TRRAP: variants seen among roughly 807,000 people sequenced by gnomAD.
TRRAP encodes the protein transformation/transcription domain associated protein.
TRRAP carries 41 observed loss-of-function variants against 438.8 expected under a neutral mutation model. The observed-to-expected ratio is 0.09, with a 90% confidence interval of 0.07 to 0.12. The LOEUF (loss-of-function observed/expected upper bound fraction) is 0.12. TRRAP is among the 10% of genes least tolerant of loss of function. TRRAP has a pLI of 1.00. For missense variants in TRRAP, 3,122 were observed against 5,055.1 expected (o/e 0.62, Z 11.60); for synonymous variants, 1,994 against 1,962.9 (o/e 1.02, Z -0.42).
intron 67 of TRRAP, among the ~76,000 whole-genome samples, chr7:98,995,531 A>T (rs1793612820): frequency 6.6e-6 from 1 of 151,992 alleles, no homozygotes; most frequent in Non-Finnish European, 1.5e-5. Flanking sequence ...GCGTTTTCCT[A>T]GGCTCACAGC....
In TRRAP at chr7:98,948,015, C is replaced by T. The variant is rs1315724355; in HGVS notation, c.4549-206C>T. Among the ~76,000 whole-genome samples, 2 of 152,202 alleles carry T rather than the reference C, an allele frequency of 1.3e-5. No homozygotes were observed. Among genetic ancestry groups the T allele is most frequent in the Middle Eastern group, 3.2e-3 (1 of 316 alleles). On this transcript the variant is annotated intron_variant, in intron 33 of 72. Coordinates refer to ENST00000456197, the MANE Select transcript of TRRAP (RefSeq NM_001375524.1). This position sits in a 1 kb window ranked among gnomAD's most constrained non-coding sequence, Gnocchi z 4.9. ...CACACCCCTACAATGGACAGGAATG[C>T]TGAAGGCCACGGGCAGTCAGTTTCC... is the stretch of plus-strand genomic sequence containing the variant.
chr7:98,891,564 C>T (rs1795980870), intron 4 of TRRAP, among the ~76,000 whole-genome samples: 1 of 128,212 alleles, frequency 7.8e-6, no homozygotes. Context: ...GAGATGGAGT[C>T]TCGCTCTGTT....
At chr7:98,979,047 C>A in intron 58 of TRRAP, 143 bp downstream of exon 58, 1 of 980,270 alleles carries the variant, frequency 1.0e-6, no homozygotes, top group Non-Finnish European at 1.5e-6. Flanking sequence ...TTTTGATTGT[C>A]TAACACCTTT....
In TRRAP at chr7:98,960,672, A is replaced by G. The variant is rs560264712; in HGVS notation, c.6490-589A>G. ...AGTGGCACAGTCTTGGCTCACTGCA[A>G]CCTCCACCTCCCGGGTTCAAGCGAT... On this transcript the variant is annotated intron_variant, in intron 45 of 72. Coordinates refer to ENST00000456197, the MANE Select transcript of TRRAP (RefSeq NM_001375524.1). Among the ~76,000 whole-genome samples the G allele has an allele frequency of 2.0e-4, 30 of 148,184 alleles. No homozygotes were observed. The South Asian group carries it at 6.3e-3, about 31-fold the overall frequency.
chr7:98,908,668 G>T lies in TRRAP; in HGVS notation c.1116-60G>T. ...GGGGCAGATGGTGATATCCTTGGTG[G>T]CCTGCTGCAGCAGGCATGGCCACGT... is the stretch of plus-strand genomic sequence containing the variant. On this transcript the variant is annotated intron_variant, in intron 13 of 72. Transcript: ENST00000456197. This position sits in a 1 kb window ranked among gnomAD's most constrained non-coding sequence, Gnocchi z 4.1. 1 of 1,474,720 alleles carries T rather than the reference G, an allele frequency of 6.8e-7. No individual in the cohort carries two copies. The highest frequency in any genetic ancestry group is 2.0e-5 in the Admixed American group (1 of 50,506). 91.4% of individuals were successfully genotyped at this position (1,474,720 alleles called of 1,614,324 possible).
In TRRAP at chr7:98,925,101, C is replaced by T. The variant is rs1789988831; in HGVS notation, c.2824-11C>T. The stretch of plus-strand genomic sequence containing the variant: ...AGCACAAACTGTAGTTTCTTTGTGT[C>T]TTGGTTGTAGGCCATTGAAACTGCT... On this transcript the variant is annotated splice_polypyrimidine_tract_variant and intron_variant, in intron 21 of 72. Coordinates refer to ENST00000456197, the MANE Select transcript of TRRAP (RefSeq NM_001375524.1). 6 of 1,600,732 alleles carry T rather than the reference C, an allele frequency of 3.7e-6. No individual in the cohort carries two copies. Among genetic ancestry groups the T allele is most frequent in the Non-Finnish European group, 5.1e-6 (6 of 1,174,968 alleles).
At chr7:98,899,829 G>T in intron 10 of TRRAP, 62 bp downstream of exon 10, 1 of 1,558,096 alleles carries the variant, frequency 6.4e-7, no homozygotes. Flanking sequence ...TACACTTGCT[G>T]TTGTCATTCT....
Position 98,925,097 on chromosome 7 carries a change from G to C in TRRAP, c.2824-15G>C, listed in dbSNP as rs538984436. On this transcript the variant is annotated splice_polypyrimidine_tract_variant and intron_variant, in intron 21 of 72. Transcript: ENST00000456197. The stretch of plus-strand genomic sequence containing the variant: ...TTTCAGCACAAACTGTAGTTTCTTT[G>C]TGTCTTGGTTGTAGGCCATTGAAAC... 9 of 1,598,588 alleles carry C rather than the reference G, an allele frequency of 5.6e-6. No homozygotes were observed. In the East Asian group the frequency reaches 1.6e-4, roughly 28 times the overall value.
At chr7:98,899,188 C>CA (rs1170662735) in intron 8 of TRRAP, among the ~76,000 whole-genome samples, 51 of 150,072 alleles carry the variant, frequency 3.4e-4, no homozygotes, top group African/African-American at 9.8e-4. Context: ...GACTCCATCT[C>CA]AAAAAAAAAG....
intron 62 of TRRAP, among the ~76,000 whole-genome samples, chr7:98,987,557 G>C (rs1037266540): frequency 6.6e-6 from 1 of 152,164 alleles, no homozygotes; most frequent in African/African-American, 2.4e-5. Context: ...TCTCAACCTT[G>C]CTGAGTGTAT....
Position 98,908,970 on chromosome 7 carries a change from C to T in TRRAP, c.1350+8C>T. 6.2e-7 allele frequency: 1 copy of T among 1,609,642 alleles called. No homozygotes were observed. The highest frequency in any genetic ancestry group is 8.5e-7 in the Non-Finnish European group (1 of 1,177,572). On this transcript the variant is annotated splice_region_variant and intron_variant, in intron 14 of 72. Transcript: ENST00000456197. The surrounding 1 kb of genome is among the most constrained non-coding windows in gnomAD (Gnocchi z 4.1). ...CTGATGCGGATGCTGGAGGTACCAG[C>T]TCTTCTGAGAGTATCATCCATCCTG... is the stretch of plus-strand genomic sequence containing the variant.
At chr7:98,961,188 G>T in intron 45 of TRRAP, 73 bp from the exon 46 acceptor site, 2 of 1,508,266 alleles carry the variant, frequency 1.3e-6, no homozygotes, top group East Asian at 2.3e-5. Flanking sequence ...GATTTTGCCA[G>T]ACTCTTGTTT....
Position 98,959,267 on chromosome 7 carries a change from T to C in TRRAP, c.6343-77T>C, listed in dbSNP as rs117297384. ...GACAGGTGTAAGGGCCAGGGCACAG[T>C]TGAGACGTGCTGTCACTGGAATGAC... On this transcript the variant is annotated intron_variant, in intron 44 of 72. Transcript: ENST00000456197. 9 of 1,569,858 alleles carry C rather than the reference T, an allele frequency of 5.7e-6. No individual in the cohort carries two copies. In the East Asian group the frequency reaches 1.6e-4, roughly 27 times the overall value.
rs113785367 is a variant in TRRAP at position 98,956,075 on chromosome 7, G to A, written c.5938-71G>A. 284 of 1,530,608 alleles carry A rather than the reference G, an allele frequency of 1.9e-4. 1 individual carries two copies. Among genetic ancestry groups the A allele is most frequent in the South Asian group, 1.1e-3 (89 of 80,876 alleles). The allele number at this position is 1,530,608 out of a possible 1,614,324, so 94.8% of individuals were successfully genotyped here. A position where few individuals can be genotyped will look rare whatever the true frequency, so the allele number is the denominator to read the frequency against. On this transcript the variant is annotated intron_variant, in intron 41 of 72. Coordinates refer to ENST00000456197, the MANE Select transcript of TRRAP (RefSeq NM_001375524.1). The surrounding 1 kb of genome is among the most constrained non-coding windows in gnomAD (Gnocchi z 4.5). ...GCATGTCGGGGGTGTGTGTGTGCAC[G>A]TGCGCACACGTGCATGCACTGTGGG...
rs575504641 is a variant in TRRAP at position 98,980,370 on chromosome 7, C to T, written c.8635-1399C>T. ...GTAAACTTCCCATCATAGAGATGTC[C>T]TTCCATCTTTCTAATCACAGAGATG... On this transcript the variant is annotated intron_variant, in intron 58 of 72. Coordinates refer to ENST00000456197, the MANE Select transcript of TRRAP (RefSeq NM_001375524.1). Among the ~76,000 whole-genome samples the T allele has an allele frequency of 2.8e-5, 4 of 142,308 alleles. No homozygotes were observed. In the East Asian group the frequency reaches 8.0e-4, roughly 28 times the overall value. The allele number at this position is 142,308 out of a possible 152,430, so 93.4% of individuals were successfully genotyped here.
chr7:98,929,684 C>A (rs1173705784), intron 23 of TRRAP, among the ~76,000 whole-genome samples: 1 of 151,828 alleles, frequency 6.6e-6, no homozygotes, highest in African/African-American at 2.4e-5. Flanking sequence ...ACCTCCGTCT[C>A]CTGGGTTCAA....
rs782142455 is a variant in TRRAP at position 98,927,317 on chromosome 7, C to T, written c.3126C>T (p.Val1042=). Residue 1042 remains valine, a synonymous_variant, in exon 23 of 73, where the codon GTC becomes GTT. Transcript: ENST00000456197. ...TGCGGCCCAGCGCCCTGCCCTTTGT[C>T]GCCAGCTTGATCCGCCACTATACGA... The part of the protein sequence containing the change: ...KDLRPSALPF[V]ASLIRHYTMV... 3.2e-5 allele frequency: 52 copies of T among 1,614,036 alleles called. No homozygotes were observed. Among genetic ancestry groups the T allele is most frequent in the South Asian group, 1.3e-4 (12 of 91,078 alleles).
At chr7:98,881,406 C>G (rs1300512001) in intron 2 of TRRAP, among the ~76,000 whole-genome samples, 156 bp downstream of exon 2, 5 of 152,074 alleles carry the variant, frequency 3.3e-5, no homozygotes, top group Middle Eastern at 3.4e-3. Context: ...AACCACGTCT[C>G]TACTAAAATA....
Position 98,978,198 on chromosome 7 carries a change from T to G in TRRAP, c.8386-13T>G. 2 of 1,603,728 alleles carry G rather than the reference T, an allele frequency of 1.2e-6. No homozygotes were observed. Among genetic ancestry groups the G allele is most frequent in the Non-Finnish European group, 1.7e-6 (2 of 1,173,824 alleles). On this transcript the variant is annotated splice_polypyrimidine_tract_variant and intron_variant, in intron 56 of 72. Coordinates refer to ENST00000456197, the MANE Select transcript of TRRAP (RefSeq NM_001375524.1). ...TAGTTAAACAGTGATTTAAAAACAT[T>G]AACTTTTTTTAGGCACAAGAATCCT...
Sources: allele counts gnomAD v4.1 joint callset (sites outside exome capture counted in the v4.1 genomes callset), GRCh38; gene constraint gnomAD v4.1.1; non-coding constraint Gnocchi (gnomAD v3.1); transcripts MANE v1.5; gene names NCBI Gene and HGNC (gene_info 2026-07-23, HGNC 2026-07-21).